Variants in ZBTB10 observed in about 807,000 individuals in gnomAD.
ZBTB10 encodes zinc finger and BTB domain containing 10, also known as zinc finger and BTB domain-containing protein 10.
A neutral mutation model predicts 76.4 loss-of-function variants in ZBTB10; 32 were observed. The ratio of observed to expected loss-of-function variants is 0.42; its 90% CI spans 0.32 to 0.56. The LOEUF (loss-of-function observed/expected upper bound fraction) is 0.56. ZBTB10 is among the 20% of genes least tolerant of loss of function. The pLI is 0.14. For synonymous variants in ZBTB10, 523 were observed against 432.9 expected (o/e 1.21, Z -2.58); for missense variants, 1,057 against 1,098.5 (o/e 0.96, Z 0.53).
At chr8:80,505,467 A>G (rs1313772733) in intron 2 of ZBTB10, among the ~76,000 whole-genome samples, 3 of 152,182 alleles carry the variant, frequency 2.0e-5, no homozygotes, top group African/African-American at 7.2e-5. Flanking sequence ...CGAATACTCA[A>G]ATGTAAGGTA....
chr8:80,520,093 T>A lies in ZBTB10; in HGVS notation c.*565T>A, dbSNP rs888236894. Reference sequence around the variant, plus strand: ...TGCTTCATAACTTAAACCAAGTCTCTTCTAGTCTTAGGTATTATTTCTCGA... The same window carrying A: ...TGCTTCATAACTTAAACCAAGTCTCATCTAGTCTTAGGTATTATTTCTCGA... On this transcript the variant is annotated 3_prime_UTR_variant, in exon 6 of 6. Coordinates refer to ENST00000455036, the MANE Select transcript of ZBTB10 (RefSeq NM_001105539.3). 3.9e-5 allele frequency: 6 copies of A among 152,574 alleles called. No homozygotes were observed. Among genetic ancestry groups the A allele is most frequent in the Non-Finnish European group, 5.9e-5 (4 of 67,996 alleles). The allele number at this position is 152,574 out of a possible 1,614,324, so 9.5% of individuals were successfully genotyped here.
rs1355208840 is a variant in ZBTB10 at position 80,526,009 on chromosome 8, C to T, written c.*6481C>T. The T allele has an allele frequency of 6.6e-6, 1 of 152,076 alleles. No homozygotes were observed. Among genetic ancestry groups the T allele is most frequent in the Non-Finnish European group, 1.5e-5 (1 of 67,994 alleles). 9.4% of individuals were successfully genotyped at this position (152,076 alleles called of 1,614,324 possible). A position where few individuals can be genotyped will look rare whatever the true frequency, so the allele number is the denominator to read the frequency against. On this transcript the variant is annotated 3_prime_UTR_variant, in exon 6 of 6. Coordinates refer to ENST00000455036, the MANE Select transcript of ZBTB10 (RefSeq NM_001105539.3). ...TGCAAGATGTAATGACCAAATCCAA[C>T]CTACTGCAAATGTTACTATGGAAAT...
At position 80,486,965 on chromosome 8, in the gene ZBTB10, C is replaced by G; in HGVS notation, c.155C>G (p.Pro52Arg). 6.6e-7 allele frequency: 1 copy of G among 1,512,906 alleles called. No individual in the cohort carries two copies. Among genetic ancestry groups the G allele is most frequent in the South Asian group, 1.2e-5 (1 of 81,566 alleles). 93.7% of individuals were successfully genotyped at this position (1,512,906 alleles called of 1,614,324 possible). ...PQPRQPPPPA[P>R]PALQPPNGRG... ...CCGAGACAGCCCCCGCCGCCAGCGC[C>G]GCCCGCGCTTCAGCCGCCTAATGGG... Residue 52 changes from proline (P) to arginine (R), a missense_variant, in exon 1 of 6, where the codon CCG becomes CGG. By Grantham distance (103) the Pro-to-Arg change is moderately radical (BLOSUM62 -2). Transcript: ENST00000455036.
chr8:80,508,464 A>G (rs760467901), intron 2 of ZBTB10, among the ~76,000 whole-genome samples: 4 of 152,244 alleles, frequency 2.6e-5, no homozygotes, highest in Admixed American at 6.5e-5. Flanking sequence ...AGGCCACATA[A>G]TGTCAAGATT....
At chr8:80,518,632 A>G (rs1816387957) in intron 4 of ZBTB10, 53 bp downstream of exon 4, 1 of 1,508,706 alleles carries the variant, frequency 6.6e-7, no homozygotes. Context: ...ATTGTTAACA[A>G]TTAAAAGCTT....
chr8:80,501,107 C>G (rs1418548514), intron 2 of ZBTB10, among the ~76,000 whole-genome samples: 2 of 152,162 alleles, frequency 1.3e-5, no homozygotes, highest in African/African-American at 4.8e-5. Flanking sequence ...CTCAGGTGAT[C>G]TGCTTGCCTC....
At chr8:80,505,463 C>T (rs1429181163) in intron 2 of ZBTB10, among the ~76,000 whole-genome samples, 1 of 151,980 alleles carries the variant, frequency 6.6e-6, no homozygotes, top group Non-Finnish European at 1.5e-5. Context: ...CATACGAATA[C>T]TCAAATGTAA....
rs1167289938 is a variant in ZBTB10, at chr8:80,524,883, T to C, written c.*5355T>C. ...AAAAGTGAAAGAGATTACTTAATCA[T>C]TTTGACAAAGGCAGTATTGACCAGA... On this transcript the variant is annotated 3_prime_UTR_variant, in exon 6 of 6. Coordinates refer to ENST00000455036, the MANE Select transcript of ZBTB10 (RefSeq NM_001105539.3). The C allele has an allele frequency of 6.6e-6, 1 of 152,112 alleles. No homozygotes were observed. The highest frequency in any genetic ancestry group is 1.5e-5 in the Non-Finnish European group (1 of 67,970). The allele number at this position is 152,112 out of a possible 1,614,324, so 9.4% of individuals were successfully genotyped here. A position where few individuals can be genotyped will look rare whatever the true frequency, so the allele number is the denominator to read the frequency against.
intron 2 of ZBTB10, among the ~76,000 whole-genome samples, 163 bp from the exon 3 acceptor site, chr8:80,513,746 AC>A (rs1429505132): frequency 1.3e-5 from 2 of 152,212 alleles, no homozygotes; most frequent in Non-Finnish European, 2.9e-5. Context: ...TACTCACTGT[AC>A]ATGTCTTAGG....
intron 1 of ZBTB10, among the ~76,000 whole-genome samples, chr8:80,496,086 T>C (rs971385692): frequency 2.6e-5 from 4 of 152,184 alleles, no homozygotes; most frequent in Non-Finnish European, 4.4e-5. Context: ...ATCAGTGATA[T>C]CTGATGTTAT....
intron 5 of ZBTB10, 37 bp downstream of exon 5, chr8:80,518,991 A>T: frequency 6.5e-7 from 1 of 1,549,846 alleles, no homozygotes; most frequent in East Asian, 2.3e-5. Context: ...TTTGAGATAA[A>T]CTATATTTAT....
intron 1 of ZBTB10, 109 bp downstream of exon 1, chr8:80,487,891 G>A: frequency 1.6e-6 from 2 of 1,255,984 alleles, no homozygotes; most frequent in South Asian, 1.6e-5. Context: ...CCATTTTCCT[G>A]GGTGAAGACA....
intron 2 of ZBTB10, among the ~76,000 whole-genome samples, chr8:80,502,917 T>C (rs1417988455): frequency 6.6e-6 from 1 of 152,162 alleles, no homozygotes; most frequent in Non-Finnish European, 1.5e-5. Flanking sequence ...TGCACGTTGG[T>C]ATCACTTGGG....
Position 80,519,634 on chromosome 8 carries a change from T to C in ZBTB10, c.*106T>C. ...GCAAAATATGGTACATGCTGGATAG[T>C]AGTTATGTTGCTGTGAAAACTGTAG... is the stretch of plus-strand genomic sequence containing the variant. On this transcript the variant is annotated 3_prime_UTR_variant, in exon 6 of 6. Transcript: ENST00000455036. 1 of 1,272,666 alleles carries C rather than the reference T, an allele frequency of 7.9e-7. No homozygotes were observed. Among genetic ancestry groups the C allele is most frequent in the East Asian group, 2.5e-5 (1 of 39,384 alleles). 78.8% of individuals were successfully genotyped at this position (1,272,666 alleles called of 1,614,324 possible). A position where few individuals can be genotyped will look rare whatever the true frequency, so the allele number is the denominator to read the frequency against.
chr8:80,506,862 T>C (rs1020445623), intron 2 of ZBTB10, among the ~76,000 whole-genome samples: 2 of 151,426 alleles, frequency 1.3e-5, no homozygotes. Flanking sequence ...CTCTTAGGCA[T>C]CCTATGGAGT....
intron 1 of ZBTB10, among the ~76,000 whole-genome samples, chr8:80,493,192 A>AAC (rs1374271152): frequency 1.3e-3 from 153 of 117,672 alleles, no homozygotes; most frequent in Non-Finnish European, 1.5e-3. Flanking sequence ...TGTGCCTCAA[A>AAC]ACGCGCGCGC....
At chr8:80,498,286 C>T (rs940368801) in intron 1 of ZBTB10, among the ~76,000 whole-genome samples, 4 of 152,184 alleles carry the variant, frequency 2.6e-5, no homozygotes, top group Admixed American at 2.6e-4. Context: ...GTGTTTATTT[C>T]TCCATGTTTT....
intron 1 of ZBTB10, among the ~76,000 whole-genome samples, chr8:80,493,201 GCGCGCGCACACACA>G (rs1281215003): frequency 6.3e-5 from 7 of 110,640 alleles, no homozygotes; most frequent in Non-Finnish European, 1.3e-4. Context: ...AAACGCGCGC[GCGCGCGCACACACA>G]CACACACACA....
intron 2 of ZBTB10, among the ~76,000 whole-genome samples, chr8:80,507,714 C>T (rs1363518548): frequency 6.6e-6 from 1 of 152,144 alleles, no homozygotes; most frequent in East Asian, 1.9e-4. Context: ...GCCTCAGCCT[C>T]CTGAGTACCT....
Sources: allele counts gnomAD v4.1 joint callset (sites outside exome capture counted in the v4.1 genomes callset), GRCh38; gene constraint gnomAD v4.1.1; transcripts MANE v1.5; gene names NCBI Gene and HGNC (gene_info 2026-07-23, HGNC 2026-07-21).